ZFAT: variants seen among roughly 807,000 people sequenced by gnomAD.
ZFAT encodes zinc finger and AT-hook domain containing.
ZFAT carries 64 observed loss-of-function variants against 117.7 expected under a neutral mutation model. The observed-to-expected ratio is 0.54, with a 90% CI of 0.44 to 0.67. The LOEUF is 0.67. Ranked by LOEUF, ZFAT falls within the 30% of genes least tolerant of loss-of-function variation. The probability of loss-of-function intolerance (pLI) is 0.00; values close to 1 mark genes in which losing one functional copy is unlikely to be tolerated. For missense variants in ZFAT, 1,433 were observed against 1,584.5 expected, an observed-to-expected ratio of 0.90 and a Z score of 1.62; for synonymous variants, 679 against 615.0, an observed-to-expected ratio of 1.10 and a Z score of -1.54.
At chr8:134,822,559 T>G in the ZFAT span, among the ~76,000 whole-genome samples, 7 of 152,134 alleles carry the variant, frequency 4.6e-5, no homozygotes, top group African/African-American at 1.7e-4. Flanking sequence ...TAATGAAAAT[T>G]TTTTAAGTTA....
At chr8:134,556,466 A>G (rs1283653564) in intron 11 of ZFAT, among the ~76,000 whole-genome samples, 2 of 152,174 alleles carry the variant, frequency 1.3e-5, no homozygotes, top group African/African-American at 4.8e-5. Flanking sequence ...ATCAACCCAC[A>G]GAAGCTCAAC....
intron 1 of ZFAT, chr8:134,673,071 T>C (rs1832635321): frequency 6.6e-6 from 1 of 152,146 alleles, no homozygotes; most frequent in South Asian, 2.1e-4. Context: ...GTAGAAGAAA[T>C]ACAACAATTA....
the ZFAT span, chr8:134,792,624 T>C: frequency 4.6e-5 from 7 of 152,190 alleles, no homozygotes; most frequent in Admixed American, 4.6e-4. Context: ...CAAGACATAT[T>C]TGAGTGTCTT....
chr8:134,643,202 T>G (rs942366811), intron 2 of ZFAT, among the ~76,000 whole-genome samples: 1 of 152,228 alleles, frequency 6.6e-6, no homozygotes, highest in Non-Finnish European at 1.5e-5. Context: ...ATTAACTTAT[T>G]TGCTCCAAGG....
At chr8:134,679,874 C>T (rs1489500689) in intron 1 of ZFAT, among the ~76,000 whole-genome samples, 6 of 137,008 alleles carry the variant, frequency 4.4e-5, no homozygotes, top group Admixed American at 1.7e-4. Context: ...CACTCATAAA[C>T]GGGAGTTGAA....
At chr8:134,577,616 T>C (rs771881689) in intron 10 of ZFAT, among the ~76,000 whole-genome samples, 4 of 152,202 alleles carry the variant, frequency 2.6e-5, no homozygotes, top group Non-Finnish European at 5.9e-5. Context: ...CACAAATTTA[T>C]TGAGTGCCTA....
At chr8:134,762,238 C>A in the ZFAT span, among the ~76,000 whole-genome samples, 2 of 152,218 alleles carry the variant, frequency 1.3e-5, no homozygotes, top group Non-Finnish European at 2.9e-5. Flanking sequence ...CAATCTACCA[C>A]ATCATTCCTG....
intron 15 of ZFAT, among the ~76,000 whole-genome samples, chr8:134,502,276 C>T (rs867419401): frequency 9.2e-5 from 14 of 152,268 alleles, no homozygotes; most frequent in South Asian, 2.1e-4. Flanking sequence ...TTCTGCAGAG[C>T]GGCTTCTCCC....
intron 3 of ZFAT, among the ~76,000 whole-genome samples, chr8:134,615,701 C>A (rs1828674426): frequency 6.6e-6 from 1 of 152,228 alleles, no homozygotes. Context: ...CAAATACACA[C>A]CTCCAAGCCC....
At chr8:134,829,030 T>C in the ZFAT span, among the ~76,000 whole-genome samples, 2 of 152,218 alleles carry the variant, frequency 1.3e-5, no homozygotes, top group African/African-American at 4.8e-5. Context: ...GGGACCACTG[T>C]CCTAGTGAGA....
rs549346991 is a variant in ZFAT at position 134,555,698 on chromosome 8, AAAAAGAAAAAAG to A, written c.2976+9623_2976+9634del. Among the ~76,000 whole-genome samples the A allele has an allele frequency of 1.0e-3, 153 of 152,216 alleles. 1 individual carries two copies. The highest frequency in any genetic ancestry group is 1.6e-3 in the Non-Finnish European group (106 of 68,014). ...TCTGCAGCCCTGCAGGGAAAAAAAG[AAAAAGAAAAAAG>A]AAAAGAAAAAAAGTCAATAGAAACT... is the stretch of plus-strand genomic sequence containing the variant. On this transcript the variant is annotated intron_variant, in intron 11 of 15. Transcript: ENST00000377838.
intron 13 of ZFAT, among the ~76,000 whole-genome samples, chr8:134,516,415 C>T (rs754312667): frequency 2.6e-5 from 4 of 152,132 alleles, no homozygotes; most frequent in Non-Finnish European, 5.9e-5. Context: ...TAGAAGGTTG[C>T]AACATGGTAA....
chr8:134,623,302 C>A (rs1829264991), intron 3 of ZFAT, among the ~76,000 whole-genome samples: 1 of 152,242 alleles, frequency 6.6e-6, no homozygotes, highest in African/African-American at 2.4e-5. Flanking sequence ...CTCTCCATCC[C>A]TGGACACTCC....
At chr8:134,770,388 C>T in the ZFAT span, among the ~76,000 whole-genome samples, 5 of 152,140 alleles carry the variant, frequency 3.3e-5, no homozygotes, top group African/African-American at 7.2e-5. Flanking sequence ...ATTTCTTATG[C>T]CTGTCTTTAC....
chr8:134,636,524 ATTAAG>A (rs1830220741), intron 3 of ZFAT, among the ~76,000 whole-genome samples: 1 of 152,206 alleles, frequency 6.6e-6, no homozygotes, highest in South Asian at 2.1e-4. Context: ...CTGAGGCAAA[ATTAAG>A]TTAATAAGTG....
At chr8:134,563,696 T>C (rs1192107231) in intron 11 of ZFAT, among the ~76,000 whole-genome samples, 2 of 152,212 alleles carry the variant, frequency 1.3e-5, no homozygotes, top group South Asian at 2.1e-4. Context: ...GAAGATAATA[T>C]GTACCATGAA....
intron 15 of ZFAT, among the ~76,000 whole-genome samples, chr8:134,484,224 A>G (rs1393254456): frequency 6.6e-6 from 1 of 152,254 alleles, no homozygotes; most frequent in African/African-American, 2.4e-5. Flanking sequence ...AAGCAAGCAC[A>G]GCACCGGCTC....
At chr8:134,507,395 T>C (rs1011467280) in intron 15 of ZFAT, among the ~76,000 whole-genome samples, 1 of 152,110 alleles carries the variant, frequency 6.6e-6, no homozygotes, top group African/African-American at 2.4e-5. Context: ...CTGTCATTTA[T>C]CAACAGCCAC....
chr8:134,517,847 G>A (rs1413709249), intron 13 of ZFAT, among the ~76,000 whole-genome samples: 1 of 152,186 alleles, frequency 6.6e-6, no homozygotes, highest in African/African-American at 2.4e-5. Flanking sequence ...TGAGGTTGAA[G>A]ATTTCAGTTA....
Sources: allele counts gnomAD v4.1 joint callset (sites outside exome capture counted in the v4.1 genomes callset), GRCh38; gene constraint gnomAD v4.1.1; transcripts MANE v1.5; gene names NCBI Gene and HGNC (gene_info 2026-07-23, HGNC 2026-07-21).